Variants in SHISA9 observed in about 807,000 individuals in gnomAD.
The protein encoded by SHISA9 is shisa family member 9.
SHISA9 carries 13 observed loss-of-function variants against 38.0 expected under a neutral mutation model. The observed-to-expected ratio is 0.34, with a 90% confidence interval of 0.22 to 0.54. The LOEUF (loss-of-function observed/expected upper bound fraction) is 0.54. SHISA9 is among the 20% of genes least tolerant of loss of function. The pLI is 0.91. For synonymous variants in SHISA9, 275 were observed against 242.0 expected, an observed-to-expected ratio of 1.14 and a Z score of -1.27; for missense variants, 538 against 575.8, an observed-to-expected ratio of 0.93 and a Z score of 0.67.
At chr16:13,216,522 T>C (rs889034375) in intron 4 of SHISA9, among the ~76,000 whole-genome samples, 3 of 152,208 alleles carry the variant, frequency 2.0e-5, no homozygotes, top group Non-Finnish European at 4.4e-5. Context: ...GGTGAACTCT[T>C]TTTAACCCAC....
chr16:13,241,242 C>A (rs768573685), downstream of SHISA9, among the ~76,000 whole-genome samples: 1 of 152,156 alleles, frequency 6.6e-6, no homozygotes, highest in Non-Finnish European at 1.5e-5. Context: ...CAGCCGGGCA[C>A]GGTGGCTCAT....
intron 2 of SHISA9, among the ~76,000 whole-genome samples, chr16:13,178,063 G>T (rs1001990249): frequency 6.6e-6 from 1 of 152,202 alleles, no homozygotes; most frequent in Non-Finnish European, 1.5e-5. Context: ...ACAAATGAAC[G>T]AGTGAATAAT....
the SHISA9 span, among the ~76,000 whole-genome samples, chr16:13,259,622 C>T: frequency 2.0e-5 from 3 of 152,240 alleles, no homozygotes; most frequent in Non-Finnish European, 4.4e-5. Context: ...GGCCAAGGTT[C>T]CCAAACCTCA....
At chr16:12,978,892 A>G (rs557723019) in intron 2 of SHISA9, among the ~76,000 whole-genome samples, 121 of 152,344 alleles carry the variant, frequency 7.9e-4, no homozygotes, top group African/African-American at 2.7e-3. Flanking sequence ...GTTAGTATGT[A>G]TGTGTTCACC....
At chr16:12,960,604 A>G (rs1451921215) in intron 2 of SHISA9, among the ~76,000 whole-genome samples, 2 of 152,246 alleles carry the variant, frequency 1.3e-5, no homozygotes, top group Non-Finnish European at 2.9e-5. Context: ...GAATGAGATC[A>G]TGTCCTTTGC....
chr16:13,136,396 CTT>C (rs35122409), intron 2 of SHISA9, among the ~76,000 whole-genome samples: 1,190 of 68,132 alleles, frequency 0.017, 19 homozygotes, highest in African/African-American at 0.07. Context: ...CAGTTTCCTT[CTT>C]TTTTTTTTTT....
At chr16:13,095,881 G>T (rs574699832) in intron 2 of SHISA9, among the ~76,000 whole-genome samples, 1 of 152,218 alleles carries the variant, frequency 6.6e-6, no homozygotes, top group Non-Finnish European at 1.5e-5. Context: ...AGCACAGATT[G>T]TTGGCCAGTT....
the SHISA9 span, among the ~76,000 whole-genome samples, chr16:13,269,543 C>T: frequency 6.6e-6 from 1 of 152,210 alleles, no homozygotes; most frequent in African/African-American, 2.4e-5. Flanking sequence ...CAAGCAGGCT[C>T]TTCTGCTGTT....
chr16:12,903,175 AGCCTTGCTTGGAGCGGCC>A (rs1419871276), intron 1 of SHISA9, among the ~76,000 whole-genome samples: 1 of 152,128 alleles, frequency 6.6e-6, no homozygotes, highest in Non-Finnish European at 1.5e-5. Flanking sequence ...CGAGAACAAA[AGCCTTGCTTGGAGCGGCC>A]GCCTCGCTTT....
chr16:13,092,830 A>G (rs1410131476), intron 2 of SHISA9, among the ~76,000 whole-genome samples: 1 of 152,122 alleles, frequency 6.6e-6, no homozygotes, highest in Non-Finnish European at 1.5e-5. Context: ...GTCTCCACCC[A>G]CTGTCTGACC....
chr16:13,464,910 C>T, the SHISA9 span, among the ~76,000 whole-genome samples: 1 of 151,876 alleles, frequency 6.6e-6, no homozygotes, highest in Non-Finnish European at 1.5e-5. Context: ...TCCATAAACC[C>T]TCAAACAGAT....
At chr16:13,289,969 G>A in the SHISA9 span, among the ~76,000 whole-genome samples, 3 of 152,130 alleles carry the variant, frequency 2.0e-5, no homozygotes, top group Non-Finnish European at 2.9e-5. Context: ...TGAGAATATA[G>A]GGTTAAAAGT....
chr16:13,147,847 C>T (rs1209645083), intron 2 of SHISA9, among the ~76,000 whole-genome samples: 1 of 152,124 alleles, frequency 6.6e-6, no homozygotes, highest in Non-Finnish European at 1.5e-5. Flanking sequence ...TGGACACCTC[C>T]ACCGGGTGGG....
chr16:13,422,745 C>A, the SHISA9 span, among the ~76,000 whole-genome samples: 285 of 152,144 alleles, frequency 1.9e-3, 2 homozygotes, highest in African/African-American at 5.2e-3. Flanking sequence ...ACCACCACCA[C>A]CAACAACAAC....
At chr16:13,498,438 T>C in the SHISA9 span, among the ~76,000 whole-genome samples, 1 of 152,160 alleles carries the variant, frequency 6.6e-6, no homozygotes, top group Non-Finnish European at 1.5e-5. Flanking sequence ...CTTTACACAA[T>C]AATTCTTCCA....
chr16:13,213,202 T>C (rs1596737356), intron 3 of SHISA9, 51 bp from the exon 4 acceptor site: 2 of 1,518,238 alleles, frequency 1.3e-6, no homozygotes, highest in East Asian at 2.5e-5. Context: ...ATAGTGAACA[T>C]GGGTGCCCTG....
the SHISA9 span, among the ~76,000 whole-genome samples, chr16:13,540,992 G>A: frequency 2.0e-5 from 3 of 152,166 alleles, no homozygotes; most frequent in Admixed American, 2.0e-4. Flanking sequence ...GTCACTTGTG[G>A]CTTCTAAACA....
At chr16:13,002,084 T>A (rs893374187) in intron 2 of SHISA9, among the ~76,000 whole-genome samples, 27 of 152,212 alleles carry the variant, frequency 1.8e-4, no homozygotes, top group African/African-American at 6.3e-4. Context: ...TTCATAAAAC[T>A]CCCTGGTGAT....
chr16:12,957,096 C>T (rs917080129), intron 2 of SHISA9, among the ~76,000 whole-genome samples: 13 of 152,164 alleles, frequency 8.5e-5, no homozygotes, highest in African/African-American at 3.1e-4. Context: ...TTCCCTCCTT[C>T]CCTCTCCCTT....
Sources: allele counts gnomAD v4.1 joint callset (sites outside exome capture counted in the v4.1 genomes callset), GRCh38; gene constraint gnomAD v4.1.1; transcripts MANE v1.5; gene names NCBI Gene and HGNC (gene_info 2026-07-23, HGNC 2026-07-21).